RAB3GAP2: variants seen among roughly 807,000 people sequenced by gnomAD.
RAB3GAP2 encodes the protein rab3 GTPase-activating protein non-catalytic subunit.
A neutral mutation model predicts 185.3 loss-of-function variants in RAB3GAP2; 87 were observed. That is an observed-to-expected ratio of 0.47 (90% CI 0.39 to 0.56). RAB3GAP2 has a LOEUF of 0.56. Among genes scored for constraint, RAB3GAP2 ranks in the 20% least tolerant of loss-of-function variants. The pLI, the probability that RAB3GAP2 is intolerant of heterozygous loss-of-function variation, is 0.00. For synonymous variants in RAB3GAP2, 554 were observed against 576.1 expected (o/e 0.96, Z 0.55); for missense variants, 1,492 against 1,638.2 (o/e 0.91, Z 1.54).
chr1:220,164,560 G>C (rs1658030559), intron 27 of RAB3GAP2, among the ~76,000 whole-genome samples, 173 bp downstream of exon 27: 1 of 142,596 alleles, frequency 7.0e-6, no homozygotes, highest in African/African-American at 2.7e-5. Context: ...CTGCAGCCTT[G>C]AACTACTGGG....
At chr1:220,164,588 C>T (rs905083587) in intron 27 of RAB3GAP2, 145 bp downstream of exon 27, 17 of 1,182,802 alleles carry the variant, frequency 1.4e-5, no homozygotes, top group Non-Finnish European at 1.2e-6. Context: ...GACCCTTGCA[C>T]CTCAGCCAAT....
chr1:220,210,628 T>C, intron 6 of RAB3GAP2, 139 bp from the exon 7 acceptor site: 1 of 956,362 alleles, frequency 1.0e-6, no homozygotes, highest in Non-Finnish European at 1.7e-6. Context: ...CAGCTCCTCT[T>C]CTCTGTATCT....
intron 33 of RAB3GAP2, 128 bp downstream of exon 33, chr1:220,153,057 T>A: frequency 1.3e-6 from 1 of 749,232 alleles, no homozygotes; most frequent in South Asian, 1.5e-5. Context: ...TCTATTGTTC[T>A]ATTTTTATAC....
Position 220,185,559 on chromosome 1 carries a change from A to C in RAB3GAP2, c.1870+92T>G. 3.4e-6 allele frequency: 3 copies of C among 878,380 alleles called. No individual in the cohort carries two copies. In the East Asian group the frequency reaches 7.4e-5, roughly 22 times the overall value. The allele number at this position is 878,380 out of a possible 1,614,324, so 54.4% of individuals were successfully genotyped here. ...TATATTACTTCCACATTAAAGTAAC[A>C]TGATGGTATCACAAAGTCAATAGCT... On this transcript the variant is annotated intron_variant, in intron 18 of 34. Coordinates refer to ENST00000358951, the MANE Select transcript of RAB3GAP2 (RefSeq NM_012414.4).
At position 220,268,332 on chromosome 1, in the gene RAB3GAP2, G is replaced by A. The variant is rs141429965; in HGVS notation, c.115+3891C>T. Among the ~76,000 whole-genome samples the A allele has an allele frequency of 2.0e-5, 3 of 152,162 alleles. No homozygotes were observed. The East Asian group carries it at 5.8e-4, about 29-fold the overall frequency. On this transcript the variant is annotated intron_variant, in intron 1 of 34. Transcript: ENST00000358951. ...GAACACTTACATTAGCCTATAGTTG[G>A]GCAAAATCTTCTAACACAAAGTCTA...
At chr1:220,243,633 T>G (rs1208401926) in intron 1 of RAB3GAP2, among the ~76,000 whole-genome samples, 1 of 152,148 alleles carries the variant, frequency 6.6e-6, no homozygotes, top group Non-Finnish European at 1.5e-5. Context: ...CAGTACCATC[T>G]CAGTTATTTG....
At chr1:220,153,058 A>G (rs1176799462) in intron 33 of RAB3GAP2, 127 bp downstream of exon 33, 11 of 758,332 alleles carry the variant, frequency 1.5e-5, no homozygotes, top group Non-Finnish European at 2.6e-5. Flanking sequence ...CTATTGTTCT[A>G]TTTTTATACC....
chr1:220,176,163 C>T (rs552692034), intron 21 of RAB3GAP2, among the ~76,000 whole-genome samples: 59 of 151,998 alleles, frequency 3.9e-4, no homozygotes, highest in African/African-American at 1.4e-3. Context: ...CTAGTAAATA[C>T]AAAATAAGAT....
At chr1:220,175,215 A>ATTTCT (rs1052692600) in intron 21 of RAB3GAP2, among the ~76,000 whole-genome samples, 21 of 151,774 alleles carry the variant, frequency 1.4e-4, no homozygotes, top group East Asian at 1.4e-3. Context: ...AGTGCATCAG[A>ATTTCT]TTTCTTTTCT....
At chr1:220,195,893 T>C (rs1658714310) in intron 10 of RAB3GAP2, among the ~76,000 whole-genome samples, 1 of 152,178 alleles carries the variant, frequency 6.6e-6, no homozygotes, top group Admixed American at 6.5e-5. Flanking sequence ...TTATAACAAG[T>C]ATAGTTGGCA....
intron 27 of RAB3GAP2, 82 bp downstream of exon 27, chr1:220,164,651 T>TA: frequency 1.3e-6 from 2 of 1,533,712 alleles, no homozygotes; most frequent in Non-Finnish European, 1.8e-6. Flanking sequence ...TAATAGGTTG[T>TA]AAATCTTTAA....
At chr1:220,185,157 C>T (rs903089744) in intron 18 of RAB3GAP2, among the ~76,000 whole-genome samples, 2 of 152,126 alleles carry the variant, frequency 1.3e-5, no homozygotes, top group African/African-American at 2.4e-5. Context: ...GGTGTTACAA[C>T]CCCACAGTTT....
intron 1 of RAB3GAP2, chr1:220,266,384 C>G: frequency 2.4e-6 from 1 of 424,434 alleles, no homozygotes. Flanking sequence ...TTCCCCATAG[C>G]CAGACTCTGG....
At chr1:220,161,098 G>A (rs554636338) in intron 28 of RAB3GAP2, among the ~76,000 whole-genome samples, 27 of 152,274 alleles carry the variant, frequency 1.8e-4, no homozygotes, top group Non-Finnish European at 3.1e-4. Flanking sequence ...CGAAAGACGA[G>A]GGGGTAAGAG....
intron 17 of RAB3GAP2, 45 bp from the exon 18 acceptor site, chr1:220,185,786 A>G (rs1658497268): frequency 1.3e-6 from 2 of 1,503,910 alleles, no homozygotes; most frequent in Non-Finnish European, 1.8e-6. Flanking sequence ...TAAGGCAGTG[A>G]TTTTGTTTTT....
At chr1:220,248,404 T>C (rs192710952) in intron 1 of RAB3GAP2, among the ~76,000 whole-genome samples, 54 of 152,248 alleles carry the variant, frequency 3.5e-4, no homozygotes, top group African/African-American at 1.1e-3. Context: ...AAGGTGATTG[T>C]AACAATCATT....
At position 220,153,179 on chromosome 1, in the gene RAB3GAP2, G is replaced by A. The variant is rs1657794636; in HGVS notation, c.3867+6C>T. The A allele has an allele frequency of 1.3e-6, 2 of 1,593,230 alleles. No homozygotes were observed. Reference sequence around the variant, plus strand: ...GCCCAATTAACATTCAAAGGGTCATGATTACCTCTTCTCCTAAGTGGTCAA... The same window carrying A: ...GCCCAATTAACATTCAAAGGGTCATAATTACCTCTTCTCCTAAGTGGTCAA... On this transcript the variant is annotated splice_donor_region_variant and intron_variant, in intron 33 of 34. Coordinates refer to ENST00000358951, the MANE Select transcript of RAB3GAP2 (RefSeq NM_012414.4).
chr1:220,184,715 T>G (rs1658477429), intron 18 of RAB3GAP2, among the ~76,000 whole-genome samples: 1 of 152,124 alleles, frequency 6.6e-6, no homozygotes, highest in African/African-American at 2.4e-5. Flanking sequence ...CAATGGTGTT[T>G]GGTTTACTAC....
intron 2 of RAB3GAP2, among the ~76,000 whole-genome samples, chr1:220,216,832 C>T (rs994700498): frequency 6.6e-6 from 1 of 151,980 alleles, no homozygotes; most frequent in African/African-American, 2.4e-5. Context: ...TCTTATCACA[C>T]TTCCAAAACT....
Sources: allele counts gnomAD v4.1 joint callset (sites outside exome capture counted in the v4.1 genomes callset), GRCh38; gene constraint gnomAD v4.1.1; transcripts MANE v1.5; gene names NCBI Gene and HGNC (gene_info 2026-07-23, HGNC 2026-07-21).